PLPPR5: variants seen among roughly 807,000 people sequenced by gnomAD.
The protein encoded by PLPPR5 is phospholipid phosphatase-related protein type 5.
PLPPR5 carries 16 observed loss-of-function variants against 33.9 expected under a neutral mutation model. The ratio of observed to expected loss-of-function variants is 0.47; its 90% CI spans 0.32 to 0.72. The LOEUF (loss-of-function observed/expected upper bound fraction) is 0.72, where lower values mean the gene tolerates loss of function less well. PLPPR5 is among the 30% of genes least tolerant of loss of function. The pLI is 0.03. For missense variants in PLPPR5, 301 were observed against 406.7 expected (o/e 0.74, Z 2.23); for synonymous variants, 163 against 150.3 (o/e 1.08, Z -0.62).
chr1:98,996,328 G>A (rs1490241496), intron 1 of PLPPR5, among the ~76,000 whole-genome samples: 1 of 151,938 alleles, frequency 6.6e-6, no homozygotes, highest in African/African-American at 2.4e-5. Flanking sequence ...TTGTATCAGT[G>A]AGAAAATCCC....
In PLPPR5 at chr1:99,004,858, G is replaced by A; in HGVS notation, c.-187C>T. On this transcript the variant is annotated 5_prime_UTR_variant, in exon 1 of 6. Transcript: ENST00000263177. ...AGGTCCGGGCTTCGAGGCGCCGGCAGGCTGCAGAGGAGGCGGCTACCCCCG... is the reference window on the plus strand; with the variant it reads ...AGGTCCGGGCTTCGAGGCGCCGGCAAGCTGCAGAGGAGGCGGCTACCCCCG... 1 of 255,500 alleles carries A rather than the reference G, an allele frequency of 3.9e-6. No individual in the cohort carries two copies. Among genetic ancestry groups the A allele is most frequent in the Non-Finnish European group, 7.2e-6 (1 of 139,264 alleles). 15.8% of individuals were successfully genotyped at this position (255,500 alleles called of 1,614,324 possible).
intron 1 of PLPPR5, among the ~76,000 whole-genome samples, chr1:98,989,718 A>G (rs1369449843): frequency 6.6e-6 from 1 of 152,110 alleles, no homozygotes; most frequent in East Asian, 1.9e-4. Context: ...AAAACCCCAA[A>G]CAAGCCAGTT....
intron 3 of PLPPR5, among the ~76,000 whole-genome samples, chr1:98,942,867 T>G (rs1650426143): frequency 6.6e-6 from 1 of 152,116 alleles, no homozygotes; most frequent in African/African-American, 2.4e-5. Flanking sequence ...ACCCAGAAGT[T>G]CAGTGATACC....
At chr1:98,937,114 G>A (rs1650197281) in intron 3 of PLPPR5, among the ~76,000 whole-genome samples, 1 of 152,190 alleles carries the variant, frequency 6.6e-6, no homozygotes, top group African/African-American at 2.4e-5. Context: ...CATGGGCAGT[G>A]GCAAACTAAG....
At chr1:98,922,872 C>T (rs777147361) in intron 3 of PLPPR5, among the ~76,000 whole-genome samples, 8 of 152,022 alleles carry the variant, frequency 5.3e-5, no homozygotes, top group Non-Finnish European at 1.0e-4. Context: ...GTAGGCCCAG[C>T]TACTAGGGAG....
intron 5 of PLPPR5, among the ~76,000 whole-genome samples, chr1:98,908,475 A>G (rs1648990661): frequency 6.6e-6 from 1 of 152,168 alleles, no homozygotes; most frequent in Non-Finnish European, 1.5e-5. Flanking sequence ...TTGGACTCCT[A>G]AGGATAATTA....
intron 1 of PLPPR5, among the ~76,000 whole-genome samples, chr1:98,990,110 G>A (rs558867433): frequency 2.0e-5 from 3 of 152,222 alleles, no homozygotes; most frequent in South Asian, 2.1e-4. Flanking sequence ...AGGCATGGTA[G>A]CTCACACCAG....
At chr1:98,899,681 C>T (rs1305801652) in intron 5 of PLPPR5, among the ~76,000 whole-genome samples, 6 of 122,198 alleles carry the variant, frequency 4.9e-5, no homozygotes, top group African/African-American at 1.0e-4. Flanking sequence ...TTTTTTGAGA[C>T]GGAATCTTGC....
intron 1 of PLPPR5, chr1:98,991,337 T>C (rs1157918205): frequency 6.6e-6 from 1 of 152,024 alleles, no homozygotes; most frequent in Non-Finnish European, 1.5e-5. Context: ...CAAGGTGTCG[T>C]TACACCCGCC....
chr1:98,894,483 T>C (rs758233520), intron 5 of PLPPR5, among the ~76,000 whole-genome samples: 6 of 152,032 alleles, frequency 3.9e-5, no homozygotes, highest in Non-Finnish European at 8.8e-5. Flanking sequence ...TGCAATTCGA[T>C]ATAGAGTGTT....
At chr1:98,907,001 A>G (rs1350108112) in intron 5 of PLPPR5, among the ~76,000 whole-genome samples, 1 of 152,140 alleles carries the variant, frequency 6.6e-6, no homozygotes, top group African/African-American at 2.4e-5. Context: ...TATAACCGTC[A>G]ACATTTTCCA....
At chr1:98,971,191 G>C (rs1651645704) in intron 1 of PLPPR5, among the ~76,000 whole-genome samples, 1 of 151,936 alleles carries the variant, frequency 6.6e-6, no homozygotes, top group Admixed American at 6.6e-5. Context: ...TTGGTGATGG[G>C]GCAGTTTGGT....
chr1:98,900,573 ACT>A (rs1648660980), intron 5 of PLPPR5, among the ~76,000 whole-genome samples: 1 of 152,230 alleles, frequency 6.6e-6, no homozygotes, highest in Non-Finnish European at 1.5e-5. Context: ...TGATAAGGTA[ACT>A]CAACAGTAAA....
intron 3 of PLPPR5, among the ~76,000 whole-genome samples, chr1:98,941,503 CA>C (rs1650366245): frequency 6.7e-6 from 1 of 150,188 alleles, no homozygotes; most frequent in African/African-American, 2.4e-5. Context: ...AAATTTCTTT[CA>C]AAGATGCGAC....
intron 5 of PLPPR5, among the ~76,000 whole-genome samples, chr1:98,895,961 T>C (rs368936656): frequency 1.6e-4 from 24 of 152,048 alleles, no homozygotes; most frequent in African/African-American, 5.3e-4. Flanking sequence ...TTTACTTTAC[T>C]GTTTAAGAGC....
At chr1:99,001,677 T>TATATATATATAGATATATATATATATAG (rs1652854594) in intron 1 of PLPPR5, among the ~76,000 whole-genome samples, 1 of 135,264 alleles carries the variant, frequency 7.4e-6, no homozygotes, top group Non-Finnish European at 1.6e-5. Context: ...TAAAGATATA[T>TATATATATATAGATATATATATATATAG]ATATATATAT....
intron 1 of PLPPR5, among the ~76,000 whole-genome samples, chr1:98,976,066 G>A (rs907960434): frequency 1.6e-5 from 2 of 126,338 alleles, no homozygotes; most frequent in African/African-American, 3.1e-5. Flanking sequence ...GGCACGTGCT[G>A]AAGATGAGAT....
chr1:98,930,184 C>A (rs139359928), intron 3 of PLPPR5, among the ~76,000 whole-genome samples: 71 of 152,140 alleles, frequency 4.7e-4, no homozygotes, highest in African/African-American at 1.7e-3. Flanking sequence ...TGAAGTAGAA[C>A]CTGCAAAACT....
At chr1:98,900,393 G>A (rs1257098080) in intron 5 of PLPPR5, among the ~76,000 whole-genome samples, 1 of 152,026 alleles carries the variant, frequency 6.6e-6, no homozygotes, top group African/African-American at 2.4e-5. Context: ...AGTTCAGACA[G>A]GTCTCCCTTT....
Sources: allele counts gnomAD v4.1 joint callset (sites outside exome capture counted in the v4.1 genomes callset), GRCh38; gene constraint gnomAD v4.1.1; transcripts MANE v1.5; gene names NCBI Gene and HGNC (gene_info 2026-07-23, HGNC 2026-07-21).